The following SMARCA4 variants were observed in gnomAD, a reference collection of about 807,000 sequenced individuals.
SMARCA4 encodes the protein SWI/SNF-related matrix-associated actin-dependent regulator of chromatin subfamily A member 4.
SMARCA4 carries 31 observed loss-of-function variants against 193.9 expected under a neutral mutation model. The observed-to-expected ratio is 0.16, with a 90% CI of 0.12 to 0.22. The LOEUF (loss-of-function observed/expected upper bound fraction) is 0.22. Ranked by LOEUF, SMARCA4 falls within the 10% of genes least tolerant of loss-of-function variation. SMARCA4 has a pLI of 1.00. For synonymous variants in SMARCA4, 942 were observed against 933.1 expected, an observed-to-expected ratio of 1.01 and a Z score of -0.17; for missense variants, 1,148 against 2,296.0, an observed-to-expected ratio of 0.50 and a Z score of 10.22.
chr19:10,978,782 T>A (rs181758279), intron 1 of SMARCA4, among the ~76,000 whole-genome samples: 6,057 of 148,198 alleles, frequency 0.041, 152 homozygotes, highest in African/African-American at 0.049. Context: ...ATACAAAAAA[T>A]ATATATATAT....
chr19:10,973,187 G>A (rs540740659), intron 1 of SMARCA4, among the ~76,000 whole-genome samples: 4 of 152,024 alleles, frequency 2.6e-5, no homozygotes, highest in African/African-American at 4.8e-5. Flanking sequence ...CACTTGATGC[G>A]GTTACTCTGC....
intron 8 of SMARCA4, among the ~76,000 whole-genome samples, chr19:10,992,372 C>T (rs1387122634): frequency 6.6e-6 from 1 of 151,488 alleles, no homozygotes; most frequent in Non-Finnish European, 1.5e-5. Flanking sequence ...CCGTCTTGGC[C>T]TCTCAAAGTG....
rs777917127 is a variant in SMARCA4 at position 10,985,234 on chromosome 19, C to T, written c.223-39C>T. 1.2e-6 allele frequency: 2 copies of T among 1,612,982 alleles called. No homozygotes were observed. The highest frequency in any genetic ancestry group is 1.3e-5 in the African/African-American group (1 of 74,880). ...CATAGCTGCGCTGCCACCTCACGTT[C>T]CACATGCTGACCCTGCCTTGCCATG... On this transcript the variant is annotated intron_variant, in intron 2 of 34. Transcript: ENST00000344626. The surrounding 1 kb of genome is among the most constrained non-coding windows in gnomAD (Gnocchi z 4.5).
intron 34 of SMARCA4, 133 bp from the exon 35 acceptor site, chr19:11,061,651 C>T (rs1446832348): frequency 1.5e-5 from 13 of 866,062 alleles, no homozygotes; most frequent in Non-Finnish European, 2.3e-5. Flanking sequence ...GCTGGGATTA[C>T]GGGCGTGAGC....
At position 11,019,245 on chromosome 19, in the gene SMARCA4, T is replaced by C; in HGVS notation, c.2505+222T>C. On this transcript the variant is annotated intron_variant, in intron 17 of 34. Transcript: ENST00000344626. The surrounding 1 kb of genome is among the most constrained non-coding windows in gnomAD (Gnocchi z 6.1). ...ACTGGGGAGGAGACAGGAGTGAGCA[T>C]GGTGGCCAGCACTCAGAGGCCAGCT... 7.8e-6 allele frequency: 5 copies of C among 639,854 alleles called. No individual in the cohort carries two copies. Among genetic ancestry groups the C allele is most frequent in the African/African-American group, 1.8e-5 (1 of 55,750 alleles). The allele number at this position is 639,854 out of a possible 1,614,324, so 39.6% of individuals were successfully genotyped here.
At position 11,024,414 on chromosome 19, in the gene SMARCA4, T is replaced by G. The variant is rs1288420421; in HGVS notation, c.3057T>G (p.Thr1019=). 20 of 1,612,494 alleles carry G rather than the reference T, an allele frequency of 1.2e-5. No homozygotes were observed. The highest frequency in any genetic ancestry group is 1.6e-5 in the Non-Finnish European group (19 of 1,179,300). Residue 1019 remains threonine, a synonymous_variant, in exon 21 of 35, where the codon ACT becomes ACG. Transcript: ENST00000344626. The stretch of plus-strand genomic sequence containing the variant: ...TGCAGGCCAAGGGCGTGCTGCTGAC[T>G]GATGGCTCCGAGAAGGACAAGAAGG... ...RHMQAKGVLL[T]DGSEKDKKGK... is the part of the protein sequence containing the mutation.
In SMARCA4 at chr19:10,987,639, A is replaced by T. The variant is rs2145811980; in HGVS notation, c.860-27A>T. Reference sequence around the variant, plus strand: ...GGGATGGGCCCCAGAGCTCAACATGACGCCCTGGCCCCTTGCCTTCTCCCA... The same window carrying T: ...GGGATGGGCCCCAGAGCTCAACATGTCGCCCTGGCCCCTTGCCTTCTCCCA... On this transcript the variant is annotated intron_variant, in intron 5 of 34. Coordinates refer to ENST00000344626, the MANE Select transcript of SMARCA4 (RefSeq NM_003072.5). The surrounding 1 kb of genome is among the most constrained non-coding windows in gnomAD (Gnocchi z 5.3). 6.2e-7 allele frequency: 1 copy of T among 1,612,426 alleles called. No individual in the cohort carries two copies. Among genetic ancestry groups the T allele is most frequent in the Non-Finnish European group, 8.5e-7 (1 of 1,179,436 alleles).
chr19:10,994,318 G>GTTTTT (rs1006312137), intron 8 of SMARCA4, among the ~76,000 whole-genome samples: 8 of 98,902 alleles, frequency 8.1e-5, no homozygotes, highest in Admixed American at 2.2e-4. Flanking sequence ...GATATTCTAG[G>GTTTTT]TTTTTTTTTT....
At chr19:11,024,243 G>A (rs2090085350) in intron 20 of SMARCA4, 88 bp from the exon 21 acceptor site, 5 of 876,766 alleles carry the variant, frequency 5.7e-6, no homozygotes, top group Non-Finnish European at 9.7e-6. Flanking sequence ...CATATGACAG[G>A]GCCGAGGGGG....
rs779308085 is a variant in SMARCA4, at chr19:11,012,901, T to G, written c.2275-48T>G. 1.8e-4 allele frequency: 293 copies of G among 1,597,082 alleles called. 1 individual carries two copies. The highest frequency in any genetic ancestry group is 2.5e-4 in the Non-Finnish European group (287 of 1,164,798). ...TCTCTGAAGTGGGAGGACCCTCTGG[T>G]GTCCGACCCGGCCTTCAGTCCTGGC... On this transcript the variant is annotated intron_variant, in intron 15 of 34. Coordinates refer to ENST00000344626, the MANE Select transcript of SMARCA4 (RefSeq NM_003072.5).
intron 16 of SMARCA4, among the ~76,000 whole-genome samples, chr19:11,013,666 G>A (rs1018622992): frequency 1.3e-5 from 2 of 152,104 alleles, no homozygotes; most frequent in Non-Finnish European, 2.9e-5. Flanking sequence ...CCCACAACCA[G>A]CAAAGTCCAT....
At position 10,996,344 on chromosome 19, in the gene SMARCA4, G is replaced by A. The variant is rs1441370371; in HGVS notation, c.1725G>A (p.Gln575=). ...TELVRQHKAA[Q]VAKEKKKKKK... is the part of the protein sequence containing the mutation. Reference sequence around the variant, plus strand: ...TGGTGCGGCAGCACAAGGCTGCCCAGGTCGCCAAGGAGAAAAAGAAGAAAA... The same window carrying A: ...TGGTGCGGCAGCACAAGGCTGCCCAAGTCGCCAAGGAGAAAAAGAAGAAAA... The change falls in exon 10 of 35, where the codon CAG becomes CAA. Residue 575 remains glutamine (Q), a synonymous_variant. Coordinates refer to ENST00000344626, the MANE Select transcript of SMARCA4 (RefSeq NM_003072.5). The A allele has an allele frequency of 1.2e-6, 2 of 1,614,240 alleles. No individual in the cohort carries two copies. Among genetic ancestry groups the A allele is most frequent in the East Asian group, 2.2e-5 (1 of 44,882 alleles).
intron 30 of SMARCA4, among the ~76,000 whole-genome samples, chr19:11,048,782 G>A (rs1178346449): frequency 6.6e-6 from 1 of 152,194 alleles, no homozygotes; most frequent in Non-Finnish European, 1.5e-5. Flanking sequence ...CCCCTAGTTC[G>A]TGTTTTATTC....
chr19:10,984,646 T>C lies in SMARCA4; in HGVS notation c.222+273T>C, dbSNP rs943153280. ...GCTTTCTGCATGTGAAATTTGGGAATATCACTACAAAGTTTTCTTTTGGTA... is the reference window on the plus strand; with the variant it reads ...GCTTTCTGCATGTGAAATTTGGGAACATCACTACAAAGTTTTCTTTTGGTA... On this transcript the variant is annotated intron_variant, in intron 2 of 34. Coordinates refer to ENST00000344626, the MANE Select transcript of SMARCA4 (RefSeq NM_003072.5). The surrounding 1 kb of genome is among the most constrained non-coding windows in gnomAD (Gnocchi z 4.3). 1.3e-5 allele frequency among the ~76,000 whole-genome samples: 2 copies of C among 152,254 alleles called. No homozygotes were observed. The highest frequency in any genetic ancestry group is 2.4e-5 in the African/African-American group (1 of 41,468).
intron 34 of SMARCA4, among the ~76,000 whole-genome samples, chr19:11,060,671 A>C (rs1183085542): frequency 2.6e-5 from 4 of 152,034 alleles, no homozygotes; most frequent in Non-Finnish European, 5.9e-5. Context: ...GCTTTAAATA[A>C]TCTCACCTCT....
intron 18 of SMARCA4, chr19:11,020,864 A>C (rs1292128851): frequency 1.3e-5 from 2 of 150,444 alleles, no homozygotes; most frequent in Non-Finnish European, 3.0e-5. Flanking sequence ...ATTGAGACAG[A>C]GTCTCACAGC....
intron 29 of SMARCA4, among the ~76,000 whole-genome samples, chr19:11,039,206 T>A (rs2075433099): frequency 6.6e-6 from 1 of 152,024 alleles, no homozygotes; most frequent in African/African-American, 2.4e-5. Context: ...ATACAAAAAT[T>A]AGCCAGGCAT....
At chr19:11,036,757 C>T (rs2075294032) in intron 29 of SMARCA4, among the ~76,000 whole-genome samples, 1 of 152,118 alleles carries the variant, frequency 6.6e-6, no homozygotes, top group South Asian at 2.1e-4. Context: ...ATTCTCATCG[C>T]CCCCAAAAGA....
At position 11,059,833 on chromosome 19, in the gene SMARCA4, C is replaced by CAAGG. The variant is rs1469764216; in HGVS notation, c.4716_4717insAAGG (p.Glu1573LysfsTer5). On this transcript the variant is annotated frameshift_variant, in exon 33 of 35. Transcript: ENST00000344626. LOFTEE classifies it high-confidence loss of function. ...TCGAGAAGGAGGATGACAGTGAAGG[C>CAAGG]GAGGAGAGTGAGGAGGAGGAAGAGG... 6.2e-7 allele frequency: 1 copy of CAAGG among 1,613,246 alleles called. No homozygotes were observed. The highest frequency in any genetic ancestry group is 8.5e-7 in the Non-Finnish European group (1 of 1,179,596).
Sources: allele counts gnomAD v4.1 joint callset (sites outside exome capture counted in the v4.1 genomes callset), GRCh38; gene constraint gnomAD v4.1.1; non-coding constraint Gnocchi (gnomAD v3.1); transcripts MANE v1.5; gene names NCBI Gene and HGNC (gene_info 2026-07-23, HGNC 2026-07-21).